The following CEP63 variants were observed in gnomAD, a reference collection of about 807,000 sequenced individuals.
CEP63 encodes the protein centrosomal protein 63.
CEP63 carries 84 observed loss-of-function variants against 89.1 expected under a neutral mutation model. The observed-to-expected ratio is 0.94, with a 90% CI of 0.79 to 1.13. The LOEUF (loss-of-function observed/expected upper bound fraction) is 1.13, where lower values mean the gene tolerates loss of function less well. CEP63 is among the 50% of genes most tolerant of loss of function. The probability of loss-of-function intolerance (pLI) is 0.00; values close to 1 mark genes in which losing one functional copy is unlikely to be tolerated. For missense variants in CEP63, 838 were observed against 813.3 expected (o/e 1.03, Z -0.37); for synonymous variants, 267 against 272.5 (o/e 0.98, Z 0.20).
the CEP63 span, among the ~76,000 whole-genome samples, chr3:134,674,916 A>C: frequency 6.6e-6 from 1 of 152,230 alleles, no homozygotes; most frequent in Non-Finnish European, 1.5e-5. Context: ...AGGCCTTTAA[A>C]AATGAAAAAC....
chr3:134,607,157 T>G, the CEP63 span: 1 of 985,506 alleles, frequency 1.0e-6, no homozygotes, highest in Non-Finnish European at 1.2e-6. Context: ...CCACGGCCTA[T>G]GATACATTGA....
At chr3:134,780,834 T>C in the CEP63 span, among the ~76,000 whole-genome samples, 5 of 152,252 alleles carry the variant, frequency 3.3e-5, no homozygotes, top group African/African-American at 1.2e-4. Context: ...TTTTGTGTCC[T>C]GTTTATGACA....
At chr3:134,708,620 G>T in the CEP63 span, among the ~76,000 whole-genome samples, 1 of 152,206 alleles carries the variant, frequency 6.6e-6, no homozygotes, top group Non-Finnish European at 1.5e-5. Flanking sequence ...GGTGTTTTAT[G>T]TTCTGTTGCC....
At chr3:134,637,108 G>T in the CEP63 span, among the ~76,000 whole-genome samples, 1 of 152,216 alleles carries the variant, frequency 6.6e-6, no homozygotes, top group Non-Finnish European at 1.5e-5. Flanking sequence ...CCTCTGCAAA[G>T]CATAGCTTTG....
At chr3:134,530,869 G>T (rs1949729368) in intron 3 of CEP63, among the ~76,000 whole-genome samples, 1 of 152,066 alleles carries the variant, frequency 6.6e-6, no homozygotes, top group Non-Finnish European at 1.5e-5. Context: ...ATTTACTGTT[G>T]TAGATTGTGA....
chr3:134,747,876 C>G, the CEP63 span, among the ~76,000 whole-genome samples: 1 of 152,170 alleles, frequency 6.6e-6, no homozygotes, highest in Non-Finnish European at 1.5e-5. Flanking sequence ...ACCTCTGCCT[C>G]TCGGGTTGAA....
intron 4 of CEP63, among the ~76,000 whole-genome samples, 187 bp from the exon 5 acceptor site, chr3:134,532,591 A>G (rs1191271697): frequency 6.6e-6 from 1 of 152,098 alleles, no homozygotes; most frequent in Non-Finnish European, 1.5e-5. Context: ...TTCTTTGAAT[A>G]TATTTCTTTA....
chr3:134,736,011 T>G, the CEP63 span, among the ~76,000 whole-genome samples: 8 of 152,086 alleles, frequency 5.3e-5, no homozygotes, highest in Admixed American at 2.0e-4. Flanking sequence ...GTTGAAAATT[T>G]AAACAAAATA....
chr3:134,498,519 TC>T (rs1359097462), intron 2 of CEP63, among the ~76,000 whole-genome samples: 3 of 152,208 alleles, frequency 2.0e-5, no homozygotes, highest in African/African-American at 7.2e-5. Flanking sequence ...CAATTTGACT[TC>T]CTCCTTTCCA....
At chr3:134,496,436 G>T (rs906260669) in intron 2 of CEP63, among the ~76,000 whole-genome samples, 1 of 149,620 alleles carries the variant, frequency 6.7e-6, no homozygotes, top group Non-Finnish European at 1.5e-5. Flanking sequence ...AAAAAAGGGG[G>T]GGGGGGCTAA....
the CEP63 span, among the ~76,000 whole-genome samples, chr3:134,594,800 T>G: frequency 6.6e-6 from 1 of 152,240 alleles, no homozygotes; most frequent in Non-Finnish European, 1.5e-5. Flanking sequence ...ACTGATCACT[T>G]ATTCTAAATG....
chr3:134,589,692 T>C (rs1343512239), downstream of CEP63, among the ~76,000 whole-genome samples: 3 of 152,126 alleles, frequency 2.0e-5, no homozygotes, highest in Non-Finnish European at 4.4e-5. Context: ...AATTTGGTGA[T>C]TTCTCAAAGA....
At chr3:134,667,010 C>A in the CEP63 span, among the ~76,000 whole-genome samples, 26 of 152,206 alleles carry the variant, frequency 1.7e-4, no homozygotes, top group Middle Eastern at 3.2e-3. Context: ...TATTGCCTCT[C>A]AGGCTGAGAT....
the CEP63 span, among the ~76,000 whole-genome samples, chr3:134,751,469 C>T: frequency 0.062 from 9,404 of 152,140 alleles, 1,009 homozygotes; most frequent in African/African-American, 0.21. Flanking sequence ...TACCTCAGCC[C>T]GACCCCACTA....
intron 3 of CEP63, among the ~76,000 whole-genome samples, chr3:134,527,279 G>A (rs1042955329): frequency 6.6e-6 from 1 of 152,130 alleles, no homozygotes; most frequent in South Asian, 2.1e-4. Context: ...TGTTGGCTTG[G>A]GGGCAGGGCG....
chr3:134,699,699 G>A, the CEP63 span, among the ~76,000 whole-genome samples: 4 of 152,074 alleles, frequency 2.6e-5, no homozygotes, highest in African/African-American at 7.2e-5. Context: ...TCACTCTCTC[G>A]GCTATCCAAT....
intron 14 of CEP63, among the ~76,000 whole-genome samples, chr3:134,559,803 G>A (rs114778669): frequency 0.017 from 2,619 of 152,338 alleles, 28 homozygotes; most frequent in Non-Finnish European, 0.022. Flanking sequence ...TGCTGGAAAG[G>A]AGAAAGGGAG....
chr3:134,756,223 C>T, the CEP63 span, among the ~76,000 whole-genome samples: 1 of 152,212 alleles, frequency 6.6e-6, no homozygotes, highest in East Asian at 1.9e-4. Context: ...AGATTGGAGA[C>T]AATTCCCTAT....
At chr3:134,627,690 G>T in the CEP63 span, 1 of 1,431,894 alleles carries the variant, frequency 7.0e-7, no homozygotes, top group Non-Finnish European at 9.8e-7. Context: ...GTCAATTGGA[G>T]ATTAGTCTAT....
Sources: gnomAD v4.1 joint callset for allele counts (sites outside exome capture counted in the v4.1 genomes callset) on GRCh38, gnomAD v4.1.1 for gene constraint, MANE v1.5 for transcripts, NCBI Gene and HGNC (gene_info 2026-07-23, HGNC 2026-07-21) for gene names.